The following BTBD16 variants were observed in gnomAD, a reference collection of about 807,000 sequenced individuals.
BTBD16 encodes BTB domain containing 16.
A neutral mutation model predicts 67.4 loss-of-function variants in BTBD16; 66 were observed. The ratio of observed to expected loss-of-function variants is 0.98; its 90% CI spans 0.80 to 1.20. The LOEUF (loss-of-function observed/expected upper bound fraction) is 1.20, where lower values mean the gene tolerates loss of function less well. Among genes scored for constraint, BTBD16 ranks in the 50% most tolerant of loss-of-function variants. The pLI, the probability that BTBD16 is intolerant of heterozygous loss-of-function variation, is 0.00. For missense variants in BTBD16, 634 were observed against 616.0 expected, an observed-to-expected ratio of 1.03 and a Z score of -0.31; for synonymous variants, 242 against 236.4, an observed-to-expected ratio of 1.02 and a Z score of -0.22.
Position 122,289,465 on chromosome 10 carries a change from G to A in BTBD16, c.386-444G>A, listed in dbSNP as rs965406847. Among the ~76,000 whole-genome samples, 3 of 152,292 alleles carry A rather than the reference G, an allele frequency of 2.0e-5. No homozygotes were observed. The East Asian group carries it at 5.8e-4, about 29-fold the overall frequency. ...TTAAAAATGCGTCTATAGGCCGGGC[G>A]CGGTGGTTCACATTTGTAATCCCAG... On this transcript the variant is annotated intron_variant, in intron 5 of 15. Coordinates refer to ENST00000260723, the MANE Select transcript of BTBD16 (RefSeq NM_144587.5).
chr10:122,287,303 G>A, intron 5 of BTBD16: 2 of 438,686 alleles, frequency 4.6e-6, no homozygotes, highest in Non-Finnish European at 6.1e-6. Flanking sequence ...TCAGTGAAAG[G>A]CTCTGGTGAG....
intron 10 of BTBD16, among the ~76,000 whole-genome samples, chr10:122,319,798 C>T (rs960872057): frequency 2.6e-5 from 4 of 151,928 alleles, no homozygotes; most frequent in Non-Finnish European, 5.9e-5. Context: ...AATGTACAGG[C>T]CAATTTGGGA....
chr10:122,338,044 C>A lies in BTBD16; in HGVS notation c.1480C>A (p.Pro494Thr). The change falls in exon 16 of 16, where the codon CCA (proline) becomes ACA (threonine). Residue 494 changes from proline to threonine, a missense_variant. Coordinates refer to ENST00000260723, the MANE Select transcript of BTBD16 (RefSeq NM_144587.5). ...CTTGAAAATCCAAACTGTGGGCATC[C>A]CAATCTATGTAAGTTTTGCATTCAT... ...HTLKIQTVGI[P>T]IYVSFAFIFP... The A allele has an allele frequency of 6.2e-7, 1 of 1,612,290 alleles. No homozygotes were observed. Among genetic ancestry groups the A allele is most frequent in the South Asian group, 1.1e-5 (1 of 90,972 alleles).
rs200329935 is a variant in BTBD16, at chr10:122,273,245, T to C, written c.-43+1731T>C. 3.5e-3 allele frequency among the ~76,000 whole-genome samples: 488 copies of C among 139,470 alleles called. 5 individuals carry two copies. The highest frequency in any genetic ancestry group is 0.032 in the South Asian group (139 of 4,374). 91.5% of individuals were successfully genotyped at this position (139,470 alleles called of 152,430 possible). A position where few individuals can be genotyped will look rare whatever the true frequency, so the allele number is the denominator to read the frequency against. On this transcript the variant is annotated intron_variant, in intron 1 of 15. Transcript: ENST00000260723. ...AGATATATATATATATATATATATA[T>C]ACACACATACATACATATATATACA...
At chr10:122,300,028 C>T (rs2096390977) in intron 9 of BTBD16, among the ~76,000 whole-genome samples, 1 of 152,178 alleles carries the variant, frequency 6.6e-6, no homozygotes, top group Non-Finnish European at 1.5e-5. Flanking sequence ...CCCTGCCAGG[C>T]TCCTTCTCCC....
At chr10:122,286,047 G>T in intron 4 of BTBD16, 58 bp from the exon 5 acceptor site, 2 of 1,504,946 alleles carry the variant, frequency 1.3e-6, no homozygotes, top group South Asian at 1.2e-5. Flanking sequence ...GGAAGCTGAT[G>T]CATCTTTGGG....
At chr10:122,291,321 C>T (rs111375118) in intron 7 of BTBD16, 127 bp downstream of exon 7, 1 of 1,231,754 alleles carries the variant, frequency 8.1e-7, no homozygotes, top group Non-Finnish European at 1.1e-6. Flanking sequence ...TTGTGCCAAG[C>T]ATGGCCTTGA....
Position 122,284,772 on chromosome 10 carries a change from C to A in BTBD16, c.241+848C>A, listed in dbSNP as rs190867826. Among the ~76,000 whole-genome samples, 126 of 143,716 alleles carry A rather than the reference C, an allele frequency of 8.8e-4. 1 individual carries two copies. In the South Asian group the frequency reaches 0.019, roughly 22 times the overall value. The allele number at this position is 143,716 out of a possible 152,430, so 94.3% of individuals were successfully genotyped here. On this transcript the variant is annotated intron_variant, in intron 4 of 15. Coordinates refer to ENST00000260723, the MANE Select transcript of BTBD16 (RefSeq NM_144587.5). Reference sequence around the variant, plus strand: ...CTTTCCAAAGAAAGGCTAATAAATTCTTTTCTCTCCTTCAACTCTGAACAG... The same window carrying A: ...CTTTCCAAAGAAAGGCTAATAAATTATTTTCTCTCCTTCAACTCTGAACAG...
chr10:122,302,692 A>G (rs535169897), intron 9 of BTBD16, among the ~76,000 whole-genome samples: 2 of 152,340 alleles, frequency 1.3e-5, no homozygotes, highest in Admixed American at 1.3e-4. Context: ...CCTGAATCCA[A>G]TGCTTTTTTA....
At chr10:122,317,440 G>A (rs372087252) in intron 10 of BTBD16, among the ~76,000 whole-genome samples, 1 of 152,100 alleles carries the variant, frequency 6.6e-6, no homozygotes, top group Non-Finnish European at 1.5e-5. Context: ...GAGGTCAGGA[G>A]ATCGAGACCA....
intron 11 of BTBD16, among the ~76,000 whole-genome samples, chr10:122,329,865 T>C (rs1249572778): frequency 6.6e-6 from 1 of 152,198 alleles, no homozygotes; most frequent in Non-Finnish European, 1.5e-5. Context: ...TGGCATCTAA[T>C]TGTATGTCCT....
intron 11 of BTBD16, among the ~76,000 whole-genome samples, chr10:122,330,554 GC>G (rs1435432173): frequency 6.6e-6 from 1 of 152,126 alleles, no homozygotes; most frequent in Non-Finnish European, 1.5e-5. Context: ...ATATCTTCTT[GC>G]AGGATTGTTA....
intron 11 of BTBD16, among the ~76,000 whole-genome samples, chr10:122,330,405 A>AT (rs754200715): frequency 1.3e-5 from 2 of 152,100 alleles, no homozygotes; most frequent in African/African-American, 4.8e-5. Flanking sequence ...TTACTTTGTA[A>AT]TTTTTTTGAT....
intron 1 of BTBD16, among the ~76,000 whole-genome samples, chr10:122,273,221 G>GATAGATAGATATATATATAT (rs1034902866): frequency 1.5e-5 from 2 of 129,470 alleles, no homozygotes; most frequent in African/African-American, 5.7e-5. Flanking sequence ...GCAACACAAA[G>GATAGATAGATATATATATAT]ATATATATAT....
chr10:122,319,892 T>G (rs2096432599), intron 10 of BTBD16, among the ~76,000 whole-genome samples: 1 of 152,202 alleles, frequency 6.6e-6, no homozygotes, highest in Non-Finnish European at 1.5e-5. Context: ...TTTAAATGTC[T>G]TTCATAAATG....
intron 1 of BTBD16, among the ~76,000 whole-genome samples, chr10:122,272,142 G>A (rs977362386): frequency 4.6e-5 from 7 of 152,178 alleles, no homozygotes; most frequent in Admixed American, 2.6e-4. Flanking sequence ...CCTGAGGTGG[G>A]AGAAGCCTCA....
At chr10:122,275,133 T>C in intron 2 of BTBD16, 34 bp downstream of exon 2, 3 of 1,603,688 alleles carry the variant, frequency 1.9e-6, no homozygotes, top group Non-Finnish European at 2.6e-6. Context: ...AGGTAGGTGA[T>C]GAGAAGAAGC....
intron 5 of BTBD16, among the ~76,000 whole-genome samples, chr10:122,288,286 T>C (rs2096367467): frequency 6.6e-6 from 1 of 152,216 alleles, no homozygotes; most frequent in Non-Finnish European, 1.5e-5. Context: ...GGAGGCCGTG[T>C]AGTCATACTG....
chr10:122,305,039 G>A (rs544794431), intron 9 of BTBD16, among the ~76,000 whole-genome samples: 2 of 152,284 alleles, frequency 1.3e-5, no homozygotes, highest in African/African-American at 4.8e-5. Flanking sequence ...GTAGAATGAT[G>A]GCCCCACAGA....
Sources: gnomAD v4.1 joint callset for allele counts (sites outside exome capture counted in the v4.1 genomes callset) on GRCh38, gnomAD v4.1.1 for gene constraint, MANE v1.5 for transcripts, NCBI Gene and HGNC (gene_info 2026-07-23, HGNC 2026-07-21) for gene names.